IQCM: variants seen among roughly 807,000 people sequenced by gnomAD.
IQCM encodes the protein IQ domain-containing protein M.
A neutral mutation model predicts 57.6 loss-of-function variants in IQCM; 45 were observed. The ratio of observed to expected loss-of-function variants is 0.78; its 90% confidence interval spans 0.62 to 1.00. The LOEUF is 1.00. Among genes scored for constraint, IQCM ranks in the 50% least tolerant of loss-of-function variants. The pLI, the probability that IQCM is intolerant of heterozygous loss-of-function variation, is 0.00. For missense variants in IQCM, 468 were observed against 511.6 expected (o/e 0.91, Z 0.82); for synonymous variants, 148 against 158.9 (o/e 0.93, Z 0.51).
intron 8 of IQCM, among the ~76,000 whole-genome samples, chr4:149,592,157 T>C (rs1375448474): frequency 6.6e-6 from 1 of 152,206 alleles, no homozygotes; most frequent in Non-Finnish European, 1.5e-5. Context: ...CTAACTGGTG[T>C]CAGATGGTAT....
intron 5 of IQCM, among the ~76,000 whole-genome samples, chr4:149,702,194 C>T (rs1459938013): frequency 2.6e-5 from 4 of 151,832 alleles, no homozygotes; most frequent in Non-Finnish European, 5.9e-5. Flanking sequence ...TTCACTGGCT[C>T]TTACAAATAA....
chr4:149,810,029 T>TG (rs77639425), intron 2 of IQCM, among the ~76,000 whole-genome samples: 33,408 of 151,938 alleles, frequency 0.22, 6,523 homozygotes, highest in African/African-American at 0.49. Flanking sequence ...GATATATATC[T>TG]TATCTCCAAC....
chr4:149,793,848 G>A (rs773926934), intron 2 of IQCM: 3 of 152,210 alleles, frequency 2.0e-5, no homozygotes, highest in Non-Finnish European at 4.4e-5. Context: ...CATTCTAAAT[G>A]CATGCTACTG....
At chr4:149,592,284 C>T (rs573819442) in intron 8 of IQCM, among the ~76,000 whole-genome samples, 14 of 152,204 alleles carry the variant, frequency 9.2e-5, no homozygotes, top group African/African-American at 3.4e-4. Flanking sequence ...TATCCTTCAC[C>T]CACTTTTTGA....
chr4:149,740,086 GA>G (rs1376246442), intron 3 of IQCM, among the ~76,000 whole-genome samples: 1 of 152,104 alleles, frequency 6.6e-6, no homozygotes, highest in African/African-American at 2.4e-5. Flanking sequence ...TTTTCATAAC[GA>G]TAATAAAAAC....
intron 2 of IQCM, among the ~76,000 whole-genome samples, chr4:149,773,090 G>C (rs577536066): frequency 2.0e-5 from 3 of 152,094 alleles, no homozygotes; most frequent in Non-Finnish European, 4.4e-5. Context: ...GGTGGCTCAC[G>C]CCTCTAATCC....
chr4:149,719,325 C>T (rs1765252368), intron 5 of IQCM, among the ~76,000 whole-genome samples: 1 of 144,092 alleles, frequency 6.9e-6, no homozygotes, highest in South Asian at 2.2e-4. Context: ...GCCTGGGCAA[C>T]AGGAACAAAA....
intron 2 of IQCM, among the ~76,000 whole-genome samples, chr4:149,789,404 CCAGTAT>C (rs1259553475): frequency 1.3e-5 from 2 of 152,178 alleles, no homozygotes; most frequent in Non-Finnish European, 1.5e-5. Context: ...CCAATTCCTT[CCAGTAT>C]CAATTTAATA....
intron 4 of IQCM, 103 bp from the exon 5 acceptor site, chr4:149,733,611 A>T (rs2149889423): frequency 1.9e-6 from 1 of 520,782 alleles, no homozygotes; most frequent in Admixed American, 4.4e-5. Context: ...TTGCACCTCT[A>T]GTACATACAT....
chr4:149,668,204 G>A (rs1218893530), intron 7 of IQCM, among the ~76,000 whole-genome samples: 1 of 152,166 alleles, frequency 6.6e-6, no homozygotes, highest in Non-Finnish European at 1.5e-5. Flanking sequence ...ACAAAGGGAA[G>A]CCCATCAGAC....
intron 13 of IQCM, among the ~76,000 whole-genome samples, chr4:149,398,550 T>C (rs888897377): frequency 3.3e-5 from 5 of 152,064 alleles, no homozygotes; most frequent in Admixed American, 2.0e-4. Flanking sequence ...CAATGATCTA[T>C]AGTTTTTCAG....
intron 13 of IQCM, among the ~76,000 whole-genome samples, chr4:149,363,698 T>C (rs755048980): frequency 2.0e-5 from 3 of 152,212 alleles, no homozygotes; most frequent in Non-Finnish European, 4.4e-5. Flanking sequence ...GAAAAAATTA[T>C]AAGTTGCTAA....
intron 5 of IQCM, among the ~76,000 whole-genome samples, chr4:149,727,038 C>T (rs1183262023): frequency 6.6e-6 from 1 of 152,104 alleles, no homozygotes; most frequent in African/African-American, 2.4e-5. Context: ...GTGTGAGTCA[C>T]CACGCCTGGC....
chr4:149,580,091 A>T (rs955223579), intron 9 of IQCM, among the ~76,000 whole-genome samples: 1 of 151,814 alleles, frequency 6.6e-6, no homozygotes, highest in Non-Finnish European at 1.5e-5. Context: ...TATGCTCAAA[A>T]AGAATAACCA....
chr4:149,645,144 A>G (rs1027856376), intron 7 of IQCM, among the ~76,000 whole-genome samples: 2 of 152,070 alleles, frequency 1.3e-5, no homozygotes, highest in African/African-American at 4.8e-5. Flanking sequence ...GTTCCTCCTC[A>G]TTTACTCTTT....
intron 5 of IQCM, among the ~76,000 whole-genome samples, chr4:149,713,405 C>A (rs1412432365): frequency 1.3e-5 from 2 of 152,120 alleles, no homozygotes; most frequent in Non-Finnish European, 2.9e-5. Flanking sequence ...GTCTTTCTAT[C>A]CACCCTGTGG....
In IQCM at chr4:149,622,348, TA is replaced by T. The variant is rs200084801; in HGVS notation, c.566-1105del. Among the ~76,000 whole-genome samples, 78 of 149,436 alleles carry T rather than the reference TA, an allele frequency of 5.2e-4. 5 individuals are homozygous for T. The highest frequency in any genetic ancestry group is 7.7e-4 in the African/African-American group (31 of 40,346). ...AATGTGAATCAGTGGAATTCTTTTTTATTTTTTTTTTGGAGACGTAGTCTCA... is the reference window on the plus strand; with the variant it reads ...AATGTGAATCAGTGGAATTCTTTTTTTTTTTTTTTTGGAGACGTAGTCTCA... On this transcript the variant is annotated intron_variant, in intron 7 of 13. Coordinates refer to ENST00000636793, the MANE Select transcript of IQCM (RefSeq NM_001363507.2).
intron 12 of IQCM, among the ~76,000 whole-genome samples, chr4:149,477,600 T>C (rs1362972726): frequency 3.3e-5 from 5 of 152,078 alleles, no homozygotes; most frequent in African/African-American, 1.2e-4. Flanking sequence ...AATTGTCCCA[T>C]AGGTAAATGC....
At chr4:149,624,169 T>TGC (rs1201045448) in intron 7 of IQCM, among the ~76,000 whole-genome samples, 44 of 151,756 alleles carry the variant, frequency 2.9e-4, no homozygotes, top group South Asian at 1.0e-3. Context: ...TGTGTGTGTG[T>TGC]GCGCGCGCAT....
Sources: gnomAD v4.1 joint callset for allele counts (sites outside exome capture counted in the v4.1 genomes callset) on GRCh38, gnomAD v4.1.1 for gene constraint, MANE v1.5 for transcripts, NCBI Gene and HGNC (gene_info 2026-07-23, HGNC 2026-07-21) for gene names.